Variants in MBOAT2 observed in about 807,000 individuals in gnomAD.
The protein encoded by MBOAT2 is membrane-bound glycerophospholipid O-acyltransferase 2.
Under a neutral mutation model 63.4 loss-of-function variants are expected in MBOAT2, and 28 were observed. That is an observed-to-expected ratio of 0.44 (90% CI 0.33 to 0.61). The LOEUF is 0.61. Among genes scored for constraint, MBOAT2 ranks in the 20% least tolerant of loss-of-function variants. The probability of loss-of-function intolerance (pLI) is 0.03; values close to 1 mark genes in which losing one functional copy is unlikely to be tolerated. For missense variants in MBOAT2, 470 were observed against 605.8 expected (o/e 0.78, Z 2.35); for synonymous variants, 211 against 215.6 (o/e 0.98, Z 0.19).
chr2:8,948,839 T>G (rs1390274354), intron 2 of MBOAT2, among the ~76,000 whole-genome samples: 1 of 152,200 alleles, frequency 6.6e-6, no homozygotes, highest in Non-Finnish European at 1.5e-5. Flanking sequence ...ATAATTTGTT[T>G]TCCTTGGGGT....
rs1665498990 is a variant in MBOAT2 at position 8,908,636 on chromosome 2, G to T, written c.380C>A (p.Ser127Tyr). The T allele has an allele frequency of 6.2e-7, 1 of 1,602,158 alleles. No individual in the cohort carries two copies. Among genetic ancestry groups the T allele is most frequent in the Non-Finnish European group, 8.5e-7 (1 of 1,171,694 alleles). The part of the protein sequence containing the change: ...RVYIFDYGQY[S>Y]ADFSGPMMII... The stretch of plus-strand genomic sequence containing the variant: ...TTCATCTTACCCTGAAAAATCAGCA[G>T]AATATTGTCCATAGTCAAAGATATA... The change falls in exon 4 of 13, where the codon TCT becomes TAT. Residue 127 changes from serine (S) to tyrosine (Y), a missense_variant. This residue lies in a region of MBOAT2 where 376 missense variants were observed against 503.8 expected (regional missense o/e 0.75). Coordinates refer to ENST00000305997, the MANE Select transcript of MBOAT2 (RefSeq NM_138799.4).
chr2:8,875,589 G>C (rs993180608), intron 7 of MBOAT2, among the ~76,000 whole-genome samples: 1 of 152,204 alleles, frequency 6.6e-6, no homozygotes, highest in Non-Finnish European at 1.5e-5. Context: ...CACATTAAGT[G>C]ATGTGCCGAA....
chr2:8,949,869 G>A (rs1668698229), intron 2 of MBOAT2, among the ~76,000 whole-genome samples: 1 of 152,070 alleles, frequency 6.6e-6, no homozygotes, highest in East Asian at 1.9e-4. Context: ...TTCCAATTCT[G>A]TAAAAAATGA....
At chr2:8,892,709 C>T (rs1353772659) in intron 4 of MBOAT2, among the ~76,000 whole-genome samples, 2 of 152,108 alleles carry the variant, frequency 1.3e-5, no homozygotes, top group Admixed American at 6.5e-5. Context: ...AGGTGGGAAC[C>T]GGCCTCACCC....
intron 1 of MBOAT2, among the ~76,000 whole-genome samples, chr2:8,982,244 G>A (rs1671246968): frequency 2.0e-5 from 3 of 152,118 alleles, no homozygotes. Flanking sequence ...TTGTTTTAGA[G>A]CAAAGATAGT....
rs895310194 is a variant in MBOAT2 at position 8,969,080 on chromosome 2, A to G, written c.76-10438T>C. Reference sequence around the variant, plus strand: ...AAGACACATAATTGTAAGATTCACCAAAGTTGAAATTAAGGAAAAAATGTT... The same window carrying G: ...AAGACACATAATTGTAAGATTCACCGAAGTTGAAATTAAGGAAAAAATGTT... On this transcript the variant is annotated intron_variant, in intron 1 of 12. Coordinates refer to ENST00000305997, the MANE Select transcript of MBOAT2 (RefSeq NM_138799.4). Among the ~76,000 whole-genome samples the G allele has an allele frequency of 2.6e-5, 4 of 152,188 alleles. No homozygotes were observed. The East Asian group carries it at 7.7e-4, about 29-fold the overall frequency.
intron 1 of MBOAT2, among the ~76,000 whole-genome samples, chr2:8,969,719 C>T (rs1244170281): frequency 2.0e-5 from 3 of 152,120 alleles, no homozygotes; most frequent in Non-Finnish European, 4.4e-5. Context: ...GGCTTGCAAT[C>T]CTAGTCTCTG....
At chr2:8,981,654 G>C (rs892791221) in intron 1 of MBOAT2, among the ~76,000 whole-genome samples, 1 of 152,052 alleles carries the variant, frequency 6.6e-6, no homozygotes, top group South Asian at 2.1e-4. Flanking sequence ...TGAGAGAGGG[G>C]GTAGGGCAGT....
chr2:8,896,404 G>T (rs965943619), intron 4 of MBOAT2, among the ~76,000 whole-genome samples: 1 of 149,046 alleles, frequency 6.7e-6, no homozygotes, highest in Admixed American at 6.8e-5. Flanking sequence ...CAGTGAGGAG[G>T]TCTAGGCCTC....
chr2:8,976,683 G>A (rs1350151860), intron 1 of MBOAT2, among the ~76,000 whole-genome samples: 1 of 152,146 alleles, frequency 6.6e-6, no homozygotes, highest in African/African-American at 2.4e-5. Flanking sequence ...CGCGTTCAGA[G>A]CGTGTCTCCC....
chr2:8,890,744 TCCTGGGCTTAAGCGATCCACCCA>T (rs935582327), intron 4 of MBOAT2, among the ~76,000 whole-genome samples: 3 of 152,252 alleles, frequency 2.0e-5, no homozygotes, highest in African/African-American at 7.2e-5. Context: ...GGTCTCAAAC[TCCTGGGCTTAAGCGATCCACCCA>T]CCTCAGCCTC....
At chr2:8,881,065 G>A (rs967027556) in intron 6 of MBOAT2, among the ~76,000 whole-genome samples, 3 of 152,172 alleles carry the variant, frequency 2.0e-5, no homozygotes, top group Non-Finnish European at 4.4e-5. Flanking sequence ...CCAACAGAGA[G>A]GGAGAAATCA....
intron 3 of MBOAT2, among the ~76,000 whole-genome samples, chr2:8,928,924 G>C (rs980071328): frequency 1.3e-5 from 2 of 152,218 alleles, no homozygotes; most frequent in Non-Finnish European, 2.9e-5. Context: ...GACTCTCAGA[G>C]ATCTCTGGAT....
Position 8,862,504 on chromosome 2 carries a change from G to C in MBOAT2, c.1185+86C>G. The C allele has an allele frequency of 6.8e-7, 1 of 1,481,428 alleles. No homozygotes were observed. The highest frequency in any genetic ancestry group is 1.8e-4 in the Middle Eastern group (1 of 5,572). 91.8% of individuals were successfully genotyped at this position (1,481,428 alleles called of 1,614,324 possible). A position where few individuals can be genotyped will look rare whatever the true frequency, so the allele number is the denominator to read the frequency against. ...ATACTGACCACGACCAAGGAAAGAG[G>C]GTCTACCTTGTAAGAGAGATGTACT... On this transcript the variant is annotated intron_variant, in intron 11 of 12. Transcript: ENST00000305997. This position sits in a 1 kb window ranked among gnomAD's most constrained non-coding sequence, Gnocchi z 4.3.
In MBOAT2 at chr2:8,862,677, G is replaced by A. The variant is rs756045780; in HGVS notation, c.1098C>T (p.Phe366=). 3 of 1,614,168 alleles carry A rather than the reference G, an allele frequency of 1.9e-6. No individual in the cohort carries two copies. The highest frequency in any genetic ancestry group is 2.5e-6 in the Non-Finnish European group (3 of 1,180,014). Residue 366 remains phenylalanine (F), a synonymous_variant, in exon 11 of 13, where the codon TTC becomes TTT. Transcript: ENST00000305997. The surrounding 1 kb of genome is among the most constrained non-coding windows in gnomAD (Gnocchi z 4.3). The part of the protein sequence containing the change: ...RTSFSPTIQT[F]ILSAIWHGVY... ...CCCCGTGCCAAATGGCAGAGAGAAT[G>A]AACGTCTGGATAGTTGGACTGAAGG...
chr2:8,952,199 T>C (rs192527524), intron 2 of MBOAT2, among the ~76,000 whole-genome samples: 4 of 152,350 alleles, frequency 2.6e-5, no homozygotes, highest in East Asian at 1.9e-4. Context: ...CAGGAGCAAA[T>C]TGTTTAATTT....
At position 9,003,586 on chromosome 2, in the gene MBOAT2, G is replaced by A; in HGVS notation, c.29C>T (p.Thr10Ile). The change falls in exon 1 of 13, where the codon ACC becomes ATC. Residue 10 changes from threonine to isoleucine, a missense_variant. Around this residue, in one of 3 missense-constraint regions of MBOAT2, gnomAD observed 376 missense variants for 503.8 expected, o/e 0.75. Transcript: ENST00000305997. The surrounding 1 kb of genome is among the most constrained non-coding windows in gnomAD (Gnocchi z 5.4). ...GGCGTTGCTGAGGGGCTGCAGCAGGGTGGAGCCCGTGGTGCTGGTGGTGGC... is the reference window on the plus strand; with the variant it reads ...GGCGTTGCTGAGGGGCTGCAGCAGGATGGAGCCCGTGGTGCTGGTGGTGGC... MATTSTTGS[T>I]LLQPLSNAVQ... is the part of the protein sequence containing the mutation. 8.2e-7 allele frequency: 1 copy of A among 1,223,404 alleles called. No individual in the cohort carries two copies. Among genetic ancestry groups the A allele is most frequent in the Admixed American group, 3.9e-5 (1 of 25,764 alleles). 75.8% of individuals were successfully genotyped at this position (1,223,404 alleles called of 1,614,324 possible).
rs896583689 is a variant in MBOAT2, at chr2:8,854,125, A to G, written c.*4554T>C. ...AATTTCTGTTGTAATCAGAGTTTCT[A>G]TAAATAGATTTGACTACTTGGTGTT... On this transcript the variant is annotated 3_prime_UTR_variant, in exon 13 of 13. Transcript: ENST00000305997. 2.0e-5 allele frequency: 3 copies of G among 152,216 alleles called. No individual in the cohort carries two copies. Among genetic ancestry groups the G allele is most frequent in the Non-Finnish European group, 4.4e-5 (3 of 68,032 alleles). The allele number at this position is 152,216 out of a possible 1,614,324, so 9.4% of individuals were successfully genotyped here. A position where few individuals can be genotyped will look rare whatever the true frequency, so the allele number is the denominator to read the frequency against.
At chr2:8,882,933 TA>T (rs1370463779) in intron 5 of MBOAT2, among the ~76,000 whole-genome samples, 1 of 152,206 alleles carries the variant, frequency 6.6e-6, no homozygotes, top group East Asian at 1.9e-4. Flanking sequence ...ATGAGTACTA[TA>T]AACTAGAAGA....
Sources: allele counts gnomAD v4.1 joint callset (sites outside exome capture counted in the v4.1 genomes callset), GRCh38; gene constraint gnomAD v4.1.1; regional missense constraint gnomAD v4.1.1; non-coding constraint Gnocchi (gnomAD v3.1); transcripts MANE v1.5; gene names NCBI Gene and HGNC (gene_info 2026-07-23, HGNC 2026-07-21).